GABRG1: variants seen among roughly 807,000 people sequenced by gnomAD.
GABRG1 encodes gamma-aminobutyric acid type A receptor subunit gamma1.
A neutral mutation model predicts 49.8 loss-of-function variants in GABRG1; 49 were observed. The ratio of observed to expected loss-of-function variants is 0.98; its 90% CI spans 0.78 to 1.25. The LOEUF (loss-of-function observed/expected upper bound fraction) is 1.25. Among genes scored for constraint, GABRG1 ranks in the 50% most tolerant of loss-of-function variants. The pLI, the probability that GABRG1 is intolerant of heterozygous loss-of-function variation, is 0.00. For missense variants in GABRG1, 552 were observed against 552.3 expected (o/e 1.00, Z 0.01); for synonymous variants, 232 against 185.1 (o/e 1.25, Z -2.06).
intron 5 of GABRG1, among the ~76,000 whole-genome samples, chr4:46,059,568 T>A (rs6834871): frequency 0.51 from 76,654 of 151,186 alleles, 20,026 homozygotes; most frequent in African/African-American, 0.63. Context: ...CCTTTTTTTT[T>A]AATTTTCTTT....
chr4:46,061,151 T>C (rs769455044), intron 5 of GABRG1, among the ~76,000 whole-genome samples: 46 of 152,156 alleles, frequency 3.0e-4, no homozygotes, highest in Admixed American at 7.2e-4. Context: ...GAAGTACAAC[T>C]GCTACATCAA....
intron 5 of GABRG1, among the ~76,000 whole-genome samples, chr4:46,061,813 C>CG (rs144801321): frequency 0.46 from 66,349 of 145,620 alleles, 15,236 homozygotes; most frequent in African/African-American, 0.53. Context: ...TTACCACTTA[C>CG]ATTTTTTTTT....
chr4:46,065,415 G>C lies in GABRG1; in HGVS notation c.491C>G (p.Pro164Arg). 1 of 1,613,658 alleles carries C rather than the reference G, an allele frequency of 6.2e-7. No individual in the cohort carries two copies. Among genetic ancestry groups the C allele is most frequent in the Non-Finnish European group, 8.5e-7 (1 of 1,179,790 alleles). The change falls in exon 4 of 9, where the codon CCT becomes CGT. Residue 164 changes from proline (P) to arginine (R), a missense_variant. Transcript: ENST00000295452. The stretch of plus-strand genomic sequence containing the variant: ...ATTCCAAATTCGAAGCAGACGATTA[G>C]GAGTTGTTATCCAGTGAGCATCAGA... ...RKSDAHWITT[P>R]NRLLRIWNDG... is the part of the protein sequence containing the mutation.
chr4:46,078,021 G>A (rs1719424029), intron 3 of GABRG1, among the ~76,000 whole-genome samples: 1 of 151,280 alleles, frequency 6.6e-6, no homozygotes, highest in South Asian at 2.1e-4. Flanking sequence ...TGAATCAAAA[G>A]TAACTAAATT....
chr4:46,100,578 T>A (rs1397376512), intron 1 of GABRG1, among the ~76,000 whole-genome samples: 4 of 151,492 alleles, frequency 2.6e-5, no homozygotes, highest in Non-Finnish European at 4.4e-5. Flanking sequence ...CAACTTAAAT[T>A]TTAGGTTTTC....
chr4:46,068,148 C>A (rs1463565807), intron 3 of GABRG1, among the ~76,000 whole-genome samples: 1 of 152,128 alleles, frequency 6.6e-6, no homozygotes, highest in Non-Finnish European at 1.5e-5. Flanking sequence ...AAGGCTCAAA[C>A]TCTACTATGG....
rs749013190 is a variant in GABRG1, at chr4:46,058,302, G to A, written c.831C>T (p.Thr277=). The change falls in exon 7 of 9, where the codon ACC becomes ACT. Residue 277 remains threonine, a synonymous_variant. Transcript: ENST00000295452. ...CAACTGTCAGAATGCATGGAATGTA[G>A]GTCTGAATAGTGAAATATCCCATTC... ...SRRMGYFTIQ[T]YIPCILTVVL... is the part of the protein sequence containing the mutation. The A allele has an allele frequency of 2.5e-6, 4 of 1,612,930 alleles. No individual in the cohort carries two copies. The highest frequency in any genetic ancestry group is 1.7e-5 in the Admixed American group (1 of 59,906).
At chr4:46,098,991 T>A (rs1051467399) in intron 1 of GABRG1, among the ~76,000 whole-genome samples, 3 of 151,694 alleles carry the variant, frequency 2.0e-5, no homozygotes, top group Non-Finnish European at 4.4e-5. Flanking sequence ...TTTTATGAGA[T>A]TTTAACATCA....
At chr4:46,079,230 C>G (rs1487625864) in intron 3 of GABRG1, among the ~76,000 whole-genome samples, 4 of 151,840 alleles carry the variant, frequency 2.6e-5, no homozygotes, top group African/African-American at 9.7e-5. Flanking sequence ...CTACTGCTCA[C>G]CCCTTTGTAG....
intron 8 of GABRG1, among the ~76,000 whole-genome samples, chr4:46,047,384 C>G (rs1413024256): frequency 6.6e-6 from 1 of 152,062 alleles, no homozygotes; most frequent in Admixed American, 6.6e-5. Context: ...TTCAGTGAAG[C>G]CACACTTTCT....
In GABRG1 at chr4:46,035,907, T is replaced by G. The variant is rs1717500911; in HGVS notation, c.*5081A>C. 1 of 152,090 alleles carries G rather than the reference T, an allele frequency of 6.6e-6. No individual in the cohort carries two copies. Among genetic ancestry groups the G allele is most frequent in the South Asian group, 2.1e-4 (1 of 4,824 alleles). The allele number at this position is 152,090 out of a possible 1,614,324, so 9.4% of individuals were successfully genotyped here. ...AATGTTCCTCAAAACAATGAGGCAG[T>G]AGCAGAATAACAGAAGCCATTATAA... On this transcript the variant is annotated 3_prime_UTR_variant, in exon 9 of 9. Transcript: ENST00000295452.
intron 7 of GABRG1, among the ~76,000 whole-genome samples, chr4:46,054,700 T>C (rs112415434): frequency 3.3e-3 from 25 of 7,620 alleles, no homozygotes; most frequent in Non-Finnish European, 5.5e-3. Flanking sequence ...ATTGATTTTG[T>C]ATCCTGAGAC....
chr4:46,117,764 A>G (rs1720957737), intron 1 of GABRG1, among the ~76,000 whole-genome samples: 1 of 139,176 alleles, frequency 7.2e-6, no homozygotes, highest in African/African-American at 2.8e-5. Context: ...ATGTATATAC[A>G]TATACATATA....
chr4:46,066,498 T>C lies in GABRG1; in HGVS notation c.322-914A>G, dbSNP rs973877347. ...TTTCAGTAACATCTATTAATAGAAA[T>C]ATAAAATAATTCTTCTCACATCACA... On this transcript the variant is annotated intron_variant, in intron 3 of 8. Transcript: ENST00000295452. 1.1e-4 allele frequency among the ~76,000 whole-genome samples: 16 copies of C among 152,148 alleles called. No individual in the cohort carries two copies. The East Asian group carries it at 1.4e-3, about 13-fold the overall frequency.
rs914130290 is a variant in GABRG1, at chr4:46,038,615, G to A, written c.*2373C>T. On this transcript the variant is annotated 3_prime_UTR_variant, in exon 9 of 9. Coordinates refer to ENST00000295452, the MANE Select transcript of GABRG1 (RefSeq NM_173536.4). ...TACTTGGAATAGAGGAACAGGAAAT[G>A]AACTGAATCAGCTTTGAAAAAAAGC... 1 of 151,504 alleles carries A rather than the reference G, an allele frequency of 6.6e-6. No individual in the cohort carries two copies. Among genetic ancestry groups the A allele is most frequent in the South Asian group, 2.1e-4 (1 of 4,826 alleles). The allele number at this position is 151,504 out of a possible 1,614,324, so 9.4% of individuals were successfully genotyped here.
At chr4:46,092,973 A>T (rs1577660114) in intron 2 of GABRG1, among the ~76,000 whole-genome samples, 1 of 151,362 alleles carries the variant, frequency 6.6e-6, no homozygotes, top group African/African-American at 2.4e-5. Flanking sequence ...GGAGGCTGAG[A>T]CAGGAGAATT....
At chr4:46,044,901 T>C (rs1717931265) in intron 8 of GABRG1, among the ~76,000 whole-genome samples, 1 of 152,112 alleles carries the variant, frequency 6.6e-6, no homozygotes, top group Admixed American at 6.6e-5. Context: ...GGGCTCTTGA[T>C]GTTGGAACTG....
At chr4:46,059,974 T>C (rs1419046016) in intron 5 of GABRG1, among the ~76,000 whole-genome samples, 2 of 152,198 alleles carry the variant, frequency 1.3e-5, no homozygotes, top group East Asian at 3.9e-4. Context: ...TTTATATTAA[T>C]GTTTTATGTA....
intron 8 of GABRG1, among the ~76,000 whole-genome samples, chr4:46,041,880 A>G (rs1302818186): frequency 6.6e-6 from 1 of 152,044 alleles, no homozygotes; most frequent in African/African-American, 2.4e-5. Context: ...TTTCTGTGAT[A>G]GCTATGATAA....
Sources: gnomAD v4.1 joint callset for allele counts (sites outside exome capture counted in the v4.1 genomes callset) on GRCh38, gnomAD v4.1.1 for gene constraint, MANE v1.5 for transcripts, NCBI Gene and HGNC (gene_info 2026-07-23, HGNC 2026-07-21) for gene names.